The following WWOX variants were observed in gnomAD, a reference collection of about 807,000 sequenced individuals.
The protein encoded by WWOX is WW domain-containing oxidoreductase.
WWOX carries 69 observed loss-of-function variants against 46.2 expected under a neutral mutation model. The observed-to-expected ratio is 1.49, with a 90% CI of 1.23 to 1.82. The LOEUF is 1.82. Among genes scored for constraint, WWOX ranks in the 40% most tolerant of loss-of-function variants. The probability of loss-of-function intolerance (pLI) is 0.00; values close to 1 mark genes in which losing one functional copy is unlikely to be tolerated. For synonymous variants in WWOX, 359 were observed against 202.6 expected (o/e 1.77, Z -6.56); for missense variants, 919 against 542.6 (o/e 1.69, Z -6.89).
chr16:78,268,252 G>A (rs143805731), intron 5 of WWOX, among the ~76,000 whole-genome samples: 260 of 152,248 alleles, frequency 1.7e-3, no homozygotes, highest in African/African-American at 6.1e-3. Flanking sequence ...AAAAAAAGTA[G>A]CATTCTATTT....
intron 5 of WWOX, among the ~76,000 whole-genome samples, chr16:78,382,664 C>A (rs1314153971): frequency 6.6e-6 from 1 of 152,096 alleles, no homozygotes; most frequent in Admixed American, 6.5e-5. Context: ...TTTTCATGTT[C>A]TAGATGGCAT....
chr16:78,241,466 T>C (rs944747908), intron 5 of WWOX, among the ~76,000 whole-genome samples: 2 of 152,108 alleles, frequency 1.3e-5, no homozygotes, highest in South Asian at 4.2e-4. Context: ...TTTACTCTTG[T>C]CACCCAGGCT....
intron 8 of WWOX, among the ~76,000 whole-genome samples, chr16:79,184,230 T>C (rs1487601729): frequency 6.6e-6 from 1 of 152,200 alleles, no homozygotes; most frequent in African/African-American, 2.4e-5. Context: ...TAACAGTCTA[T>C]AGTAACAGTG....
chr16:78,849,499 G>A (rs537337302), intron 8 of WWOX, among the ~76,000 whole-genome samples: 3 of 150,998 alleles, frequency 2.0e-5, no homozygotes, highest in South Asian at 4.2e-4. Context: ...GCGTGAACCC[G>A]GGAGGCGGAG....
chr16:78,755,725 C>T (rs75717141), intron 8 of WWOX, among the ~76,000 whole-genome samples: 34 of 152,146 alleles, frequency 2.2e-4, no homozygotes, highest in African/African-American at 7.2e-4. Context: ...GTTCAGTACC[C>T]GCTATTAAAT....
At chr16:78,913,558 A>G (rs928340001) in intron 8 of WWOX, among the ~76,000 whole-genome samples, 1 of 151,950 alleles carries the variant, frequency 6.6e-6, no homozygotes, top group Non-Finnish European at 1.5e-5. Context: ...TCACTTGTCG[A>G]TCAGAAATAC....
In WWOX at chr16:78,636,617, C is replaced by G. The variant is rs1263779031; in HGVS notation, c.1056+203865C>G. 2.0e-5 allele frequency among the ~76,000 whole-genome samples: 3 copies of G among 152,116 alleles called. No individual in the cohort carries two copies. In the East Asian group the frequency reaches 5.8e-4, roughly 29 times the overall value. On this transcript the variant is annotated intron_variant, in intron 8 of 8. Transcript: ENST00000566780. ...TCTCACTCCATGGGAACTTTTAAAA[C>G]TGATAATTAATGGATTTTTAGCCTC...
At chr16:79,130,199 C>T (rs1325809608) in intron 8 of WWOX, among the ~76,000 whole-genome samples, 1 of 152,294 alleles carries the variant, frequency 6.6e-6, no homozygotes, top group East Asian at 1.9e-4. Context: ...TGTCTGATTC[C>T]TGAACCTGTG....
intron 8 of WWOX, among the ~76,000 whole-genome samples, chr16:78,531,438 A>G (rs1228406332): frequency 1.3e-5 from 2 of 152,148 alleles, no homozygotes; most frequent in Non-Finnish European, 2.9e-5. Context: ...TGTGACTATT[A>G]TTGTTGCTCT....
intron 8 of WWOX, among the ~76,000 whole-genome samples, chr16:79,067,258 C>A (rs1404593463): frequency 6.6e-6 from 1 of 152,160 alleles, no homozygotes; most frequent in Non-Finnish European, 1.5e-5. Flanking sequence ...CACATCAGAT[C>A]AAAGTTTTCT....
chr16:78,377,832 G>C (rs1325133097), intron 5 of WWOX, among the ~76,000 whole-genome samples: 3 of 152,094 alleles, frequency 2.0e-5, no homozygotes, highest in African/African-American at 4.8e-5. Flanking sequence ...CTGTTATCTG[G>C]TGCAATTTCT....
intron 8 of WWOX, among the ~76,000 whole-genome samples, chr16:79,065,207 A>G (rs1011355331): frequency 1.3e-5 from 2 of 152,184 alleles, no homozygotes; most frequent in African/African-American, 2.4e-5. Context: ...TAATTGCTCA[A>G]TGGGTTCTTC....
At chr16:78,991,134 C>G (rs1466225976) in intron 8 of WWOX, among the ~76,000 whole-genome samples, 4 of 152,218 alleles carry the variant, frequency 2.6e-5, no homozygotes, top group Admixed American at 6.5e-5. Context: ...AAGTACCTTA[C>G]TAAGTCATTG....
intron 8 of WWOX, chr16:78,891,799 C>G (rs971638073): frequency 6.6e-6 from 1 of 151,998 alleles, no homozygotes; most frequent in Non-Finnish European, 1.5e-5. Context: ...CTGAAATGTC[C>G]CAGTGAGAAA....
At chr16:78,630,085 A>AT (rs1167014875) in intron 8 of WWOX, among the ~76,000 whole-genome samples, 2 of 152,154 alleles carry the variant, frequency 1.3e-5, no homozygotes, top group African/African-American at 4.8e-5. Context: ...AGTCTATTTC[A>AT]TTGAAAATCT....
chr16:78,263,996 C>CTTTTTTTTTTTGTTTTTTTTTTTTT (rs2079305030), intron 5 of WWOX, among the ~76,000 whole-genome samples: 1 of 78,816 alleles, frequency 1.3e-5, no homozygotes, highest in Non-Finnish European at 2.2e-5. Context: ...GCTGTGAAAT[C>CTTTTTTTTTTTGTTTTTTTTTTTTT]TTTTTTTTTT....
At chr16:78,329,034 T>C (rs1271792009) in intron 5 of WWOX, among the ~76,000 whole-genome samples, 5 of 151,770 alleles carry the variant, frequency 3.3e-5, no homozygotes, top group Non-Finnish European at 7.4e-5. Flanking sequence ...GCTGATTTTC[T>C]TTTTTTTCGT....
intron 8 of WWOX, among the ~76,000 whole-genome samples, chr16:79,037,001 T>G (rs1567505422): frequency 6.6e-6 from 1 of 152,214 alleles, no homozygotes; most frequent in Non-Finnish European, 1.5e-5. Flanking sequence ...GGGTCTCTCA[T>G]GGCTCACGTA....
intron 8 of WWOX, among the ~76,000 whole-genome samples, chr16:78,851,564 C>G (rs572466753): frequency 6.6e-6 from 1 of 152,210 alleles, no homozygotes; most frequent in Non-Finnish European, 1.5e-5. Flanking sequence ...TATTTTCCAT[C>G]TTTCCCACTA....
Sources: allele counts gnomAD v4.1 joint callset (sites outside exome capture counted in the v4.1 genomes callset), GRCh38; gene constraint gnomAD v4.1.1; transcripts MANE v1.5; gene names NCBI Gene and HGNC (gene_info 2026-07-23, HGNC 2026-07-21).